SHE: variants seen among roughly 807,000 people sequenced by gnomAD.
SHE encodes Src homology 2 domain containing E, also known as SH2 domain-containing adapter protein E.
A neutral mutation model predicts 49.8 loss-of-function variants in SHE; 11 were observed. That is an observed-to-expected ratio of 0.22 (90% CI 0.14 to 0.37). SHE has a LOEUF of 0.37. SHE is among the 10% of genes least tolerant of loss of function. The probability of loss-of-function intolerance (pLI) is 1.00; values close to 1 mark genes in which losing one functional copy is unlikely to be tolerated. For missense variants in SHE, 624 were observed against 655.5 expected (o/e 0.95, Z 0.52); for synonymous variants, 310 against 278.1 (o/e 1.11, Z -1.14).
intron 2 of SHE, among the ~76,000 whole-genome samples, chr1:154,496,820 A>C (rs919697496): frequency 2.0e-5 from 3 of 152,164 alleles, no homozygotes; most frequent in Non-Finnish European, 4.4e-5. Context: ...ATTTCCTCTT[A>C]TCAGTGCAGC....
intron 1 of SHE, among the ~76,000 whole-genome samples, chr1:154,471,680 ACT>A (rs139560920): frequency 0.14 from 21,566 of 149,222 alleles, 1,776 homozygotes; most frequent in Middle Eastern, 0.19. Flanking sequence ...GTTTTTCAGT[ACT>A]CTCTCTCTCT....
rs962338914 is a variant in SHE at position 154,483,622 on chromosome 1, T to C, written c.*527A>G. On this transcript the variant is annotated 3_prime_UTR_variant, in exon 6 of 6. Transcript: ENST00000304760. ...AGAGCTGGAGGCAACAGCTAAATCA[T>C]GATTTCTTATTGTAGAACTACTTAG... 2.0e-6 allele frequency: 2 copies of C among 985,824 alleles called. No individual in the cohort carries two copies. The highest frequency in any genetic ancestry group is 1.1e-4 in the East Asian group (1 of 8,818). 61.1% of individuals were successfully genotyped at this position (985,824 alleles called of 1,614,324 possible). A position where few individuals can be genotyped will look rare whatever the true frequency, so the allele number is the denominator to read the frequency against.
intron 2 of SHE, among the ~76,000 whole-genome samples, chr1:154,497,934 C>T (rs551523948): frequency 1.3e-5 from 2 of 151,620 alleles, no homozygotes; most frequent in Non-Finnish European, 2.9e-5. Context: ...CGGCCCACCT[C>T]GGCCTCTCAA....
chr1:154,476,610 C>A (rs936555652), downstream of SHE, among the ~76,000 whole-genome samples: 1 of 150,824 alleles, frequency 6.6e-6, no homozygotes, highest in Non-Finnish European at 1.5e-5. Context: ...CCAGCCTAGG[C>A]GACAGAGTGA....
intron 1 of SHE, among the ~76,000 whole-genome samples, chr1:154,470,818 C>A (rs1037717834): frequency 1.3e-5 from 2 of 151,366 alleles, no homozygotes; most frequent in Non-Finnish European, 2.9e-5. Flanking sequence ...CCAGCCTGGG[C>A]AACAGAGCCA....
intron 1 of SHE, among the ~76,000 whole-genome samples, chr1:154,473,973 G>A (rs574509609): frequency 1.3e-5 from 2 of 152,280 alleles, no homozygotes; most frequent in South Asian, 2.1e-4. Context: ...AGATGCCCAC[G>A]CTAGTTAAGA....
downstream of SHE, among the ~76,000 whole-genome samples, chr1:154,474,840 T>A (rs1475075893): frequency 1.3e-5 from 2 of 152,118 alleles, no homozygotes; most frequent in Admixed American, 1.3e-4. Context: ...CCTTATTACA[T>A]CCACTCCCTC....
chr1:154,493,669 C>A (rs12095082), intron 2 of SHE, among the ~76,000 whole-genome samples: 7 of 152,220 alleles, frequency 4.6e-5, no homozygotes, highest in African/African-American at 1.7e-4. Context: ...GTAATTATGT[C>A]ATTCACATGA....
In SHE at chr1:154,482,944, C is replaced by CA; in HGVS notation, c.*1204dup. On this transcript the variant is annotated 3_prime_UTR_variant, in exon 6 of 6. Transcript: ENST00000304760. ...TACAAAGCAAATCTAATTTTAGAGA[C>CA]AAAAATTAAAAATTATTCCATAGCA... 14 of 984,798 alleles carry CA rather than the reference C, an allele frequency of 1.4e-5. No homozygotes were observed. Among genetic ancestry groups the CA allele is most frequent in the Non-Finnish European group, 1.7e-5 (14 of 829,546 alleles). 61.0% of individuals were successfully genotyped at this position (984,798 alleles called of 1,614,324 possible). A position where few individuals can be genotyped will look rare whatever the true frequency, so the allele number is the denominator to read the frequency against.
At chr1:154,470,030 T>C (rs1691705176) in exon 2 of SHE, 3 of 307,232 alleles carry the variant, frequency 9.8e-6, no homozygotes, top group Non-Finnish European at 1.9e-5. Flanking sequence ...CTGGAAATTA[T>C]GTAACTCCAC....
intron 2 of SHE, among the ~76,000 whole-genome samples, chr1:154,495,483 G>A (rs1453529888): frequency 6.6e-6 from 1 of 151,966 alleles, no homozygotes; most frequent in Non-Finnish European, 1.5e-5. Flanking sequence ...AAAGTTTTGG[G>A]GGGACCCAGG....
Position 154,501,441 on chromosome 1 carries a change from C to T in SHE, c.586G>A (p.Glu196Lys). Residue 196 changes from glutamate (E) to lysine (K), a missense_variant, in exon 1 of 6, where the codon GAG becomes AAG. Glu to Lys is a moderately conservative substitution (Grantham distance 56). Around this residue, in one of 4 missense-constraint regions of SHE, gnomAD observed 337 missense variants for 306.0 expected, o/e 1.10. Coordinates refer to ENST00000304760, the MANE Select transcript of SHE (RefSeq NM_001010846.3). ...LDKGKIIKQQ[E>K]TVIILEDYAD... ...AAGGGAGGCTGTATTCTTACCGTCT[C>T]TTGCTGCTTAATAATCTTGCCCTTG... 6.2e-7 allele frequency: 1 copy of T among 1,614,090 alleles called. No individual in the cohort carries two copies. Among genetic ancestry groups the T allele is most frequent in the Non-Finnish European group, 8.5e-7 (1 of 1,179,972 alleles).
At chr1:154,484,389 C>A in intron 5 of SHE, 54 bp from the exon 6 acceptor site, 4 of 1,498,810 alleles carry the variant, frequency 2.7e-6, no homozygotes, top group Non-Finnish European at 3.7e-6. Context: ...GATCCCTCCC[C>A]ACTGAAAACA....
downstream of SHE, among the ~76,000 whole-genome samples, chr1:154,474,505 A>C (rs866774083): frequency 6.6e-6 from 1 of 151,950 alleles, no homozygotes; most frequent in South Asian, 2.1e-4. Context: ...ATTGTGCTTT[A>C]TTTATTTATT....
Position 154,495,762 on chromosome 1 carries a change from T to C in SHE, c.718+3350A>G, listed in dbSNP as rs549141635. Among the ~76,000 whole-genome samples, 63 of 152,034 alleles carry C rather than the reference T, an allele frequency of 4.1e-4. No homozygotes were observed. The Middle Eastern group carries it at 0.014, about 33-fold the overall frequency. On this transcript the variant is annotated intron_variant, in intron 2 of 5. Coordinates refer to ENST00000304760, the MANE Select transcript of SHE (RefSeq NM_001010846.3). ...AAAAAAAAACCTCAAGAAATATTTG[T>C]TGGGTATTCTAAAACAACATATGGG...
chr1:154,483,086 A>T lies in SHE; in HGVS notation c.*1063T>A. 39 of 985,032 alleles carry T rather than the reference A, an allele frequency of 4.0e-5. No homozygotes were observed. Among genetic ancestry groups the T allele is most frequent in the Non-Finnish European group, 4.7e-5 (39 of 829,574 alleles). The allele number at this position is 985,032 out of a possible 1,614,324, so 61.0% of individuals were successfully genotyped here. A position where few individuals can be genotyped will look rare whatever the true frequency, so the allele number is the denominator to read the frequency against. ...CAGAATTTTAAAATTCAGAAATGAA[A>T]TTTTTGTTGTACCTTTTATTCTATA... On this transcript the variant is annotated 3_prime_UTR_variant, in exon 6 of 6. Transcript: ENST00000304760.
Position 154,483,472 on chromosome 1 carries a change from GT to G in SHE, c.*676del. ...TGTGGAAAAGCCACGTGGATTTTTTGTTGGTTTGTTTAGAGACCAGGTATTC... is the reference window on the plus strand; with the variant it reads ...TGTGGAAAAGCCACGTGGATTTTTTGTGGTTTGTTTAGAGACCAGGTATTC... On this transcript the variant is annotated 3_prime_UTR_variant, in exon 6 of 6. Coordinates refer to ENST00000304760, the MANE Select transcript of SHE (RefSeq NM_001010846.3). 1 of 985,352 alleles carries G rather than the reference GT, an allele frequency of 1.0e-6. No homozygotes were observed. Among genetic ancestry groups the G allele is most frequent in the Non-Finnish European group, 1.2e-6 (1 of 829,926 alleles). 61.0% of individuals were successfully genotyped at this position (985,352 alleles called of 1,614,324 possible).
intron 2 of SHE, among the ~76,000 whole-genome samples, chr1:154,493,429 G>C (rs527980626): frequency 6.6e-5 from 10 of 152,316 alleles, no homozygotes; most frequent in African/African-American, 1.4e-4. Context: ...AAGAGGAAAC[G>C]AGCCTGAGAA....
At chr1:154,484,660 G>A (rs772588828) in intron 5 of SHE, 6 of 233,024 alleles carry the variant, frequency 2.6e-5, no homozygotes, top group Non-Finnish European at 5.1e-5. Context: ...GGCTACTAAG[G>A]TGAGGTAGAA....
Sources: allele counts gnomAD v4.1 joint callset (sites outside exome capture counted in the v4.1 genomes callset), GRCh38; gene constraint gnomAD v4.1.1; regional missense constraint gnomAD v4.1.1; transcripts MANE v1.5; gene names NCBI Gene and HGNC (gene_info 2026-07-23, HGNC 2026-07-21).